ALDH18A1: variants seen among roughly 807,000 people sequenced by gnomAD.
ALDH18A1 encodes the protein aldehyde dehydrogenase 18 family member A1.
ALDH18A1 carries 44 observed loss-of-function variants against 88.8 expected under a neutral mutation model. The ratio of observed to expected loss-of-function variants is 0.50; its 90% confidence interval spans 0.39 to 0.64. ALDH18A1 has a LOEUF of 0.64. Ranked by LOEUF, ALDH18A1 falls within the 30% of genes least tolerant of loss-of-function variation. The pLI is 0.00. For synonymous variants in ALDH18A1, 331 were observed against 372.1 expected (o/e 0.89, Z 1.27); for missense variants, 782 against 1,009.5 (o/e 0.77, Z 3.05).
intron 3 of ALDH18A1, among the ~76,000 whole-genome samples, 163 bp downstream of exon 3, chr10:95,642,829 T>C (rs923851947): frequency 2.6e-5 from 4 of 152,246 alleles, no homozygotes; most frequent in Non-Finnish European, 5.9e-5. Flanking sequence ...AGATGTCGTC[T>C]CTCACTGGCG....
chr10:95,613,636 A>T lies in ALDH18A1; in HGVS notation c.1923+106T>A. 5 of 1,450,050 alleles carry T rather than the reference A, an allele frequency of 3.4e-6. No individual in the cohort carries two copies. In the South Asian group the frequency reaches 4.6e-5, roughly 13 times the overall value. 89.8% of individuals were successfully genotyped at this position (1,450,050 alleles called of 1,614,324 possible). ...TGGAACTTTGTACACAGAAGATATT[A>T]AAAAATATTGTTTCTTAAACTGCCT... On this transcript the variant is annotated intron_variant, in intron 15 of 17. Coordinates refer to ENST00000371224, the MANE Select transcript of ALDH18A1 (RefSeq NM_002860.4).
At position 95,613,848 on chromosome 10, in the gene ALDH18A1, C is replaced by T; in HGVS notation, c.1817G>A (p.Cys606Tyr). 7 of 1,614,170 alleles carry T rather than the reference C, an allele frequency of 4.3e-6. No individual in the cohort carries two copies. The highest frequency in any genetic ancestry group is 5.9e-6 in the Non-Finnish European group (7 of 1,180,024). Reference sequence around the variant, plus strand: ...AGCATTACAGGCAGCTGGATATTCACATTTAGAGTCTCTGACTGAAAGAAG... The same window carrying T: ...AGCATTACAGGCAGCTGGATATTCATATTTAGAGTCTCTGACTGAAAGAAG... ...KVTRLVRDSK[C>Y]EYPAACNALE... The change falls in exon 15 of 18, where the codon TGT (cysteine) becomes TAT (tyrosine). Residue 606 changes from cysteine to tyrosine, a missense_variant. Physicochemically the swap from Cys to Tyr is radical, Grantham distance 194 (BLOSUM62 -2). Coordinates refer to ENST00000371224, the MANE Select transcript of ALDH18A1 (RefSeq NM_002860.4).
intron 11 of ALDH18A1, among the ~76,000 whole-genome samples, chr10:95,624,504 G>A (rs978751491): frequency 5.3e-5 from 8 of 152,152 alleles, no homozygotes; most frequent in African/African-American, 1.9e-4. Context: ...TGAAAGTAAC[G>A]TTGAACCGTG....
chr10:95,616,248 T>A (rs1341011340), intron 13 of ALDH18A1, among the ~76,000 whole-genome samples: 7 of 152,182 alleles, frequency 4.6e-5, no homozygotes, highest in African/African-American at 1.7e-4. Context: ...GACATTCTTG[T>A]AAATAAATAG....
chr10:95,643,302 CA>C, intron 2 of ALDH18A1, 96 bp from the exon 3 acceptor site: 2 of 1,158,296 alleles, frequency 1.7e-6, no homozygotes, highest in Non-Finnish European at 1.3e-6. Context: ...GTTTAGATAC[CA>C]AAAAATAGCA....
At chr10:95,628,257 A>C (rs1197897417) in intron 8 of ALDH18A1, 111 bp downstream of exon 8, 9 of 1,445,282 alleles carry the variant, frequency 6.2e-6, no homozygotes, top group Admixed American at 1.7e-5. Flanking sequence ...TTAAGTGTGT[A>C]TGTGCCTACT....
intron 2 of ALDH18A1, among the ~76,000 whole-genome samples, chr10:95,651,894 G>A (rs937560935): frequency 1.3e-5 from 2 of 152,206 alleles, no homozygotes; most frequent in African/African-American, 4.8e-5. Context: ...CCACAGAAAT[G>A]AAAACTATGT....
chr10:95,653,865 A>G (rs1288765428), intron 1 of ALDH18A1, among the ~76,000 whole-genome samples: 1 of 152,228 alleles, frequency 6.6e-6, no homozygotes, highest in Non-Finnish European at 1.5e-5. Context: ...CCAGCCAGCC[A>G]TGAAAAGCAA....
intron 1 of ALDH18A1, among the ~76,000 whole-genome samples, chr10:95,655,466 A>G (rs2097916440): frequency 6.6e-6 from 1 of 152,180 alleles, no homozygotes; most frequent in African/African-American, 2.4e-5. Context: ...TCACTATTAG[A>G]TACAATCACA....
chr10:95,620,949 A>T, intron 12 of ALDH18A1, 82 bp downstream of exon 12: 3 of 1,340,618 alleles, frequency 2.2e-6, no homozygotes, highest in Non-Finnish European at 3.1e-6. Context: ...AAAAAAAAAA[A>T]GAAAAGAAAA....
intron 11 of ALDH18A1, among the ~76,000 whole-genome samples, chr10:95,622,047 G>C (rs989621439): frequency 2.6e-5 from 4 of 152,050 alleles, no homozygotes; most frequent in Admixed American, 2.6e-4. Flanking sequence ...AAGAAATCTG[G>C]AACGCATCCA....
chr10:95,626,921 C>A, intron 9 of ALDH18A1, 145 bp from the exon 10 acceptor site: 1 of 813,468 alleles, frequency 1.2e-6, no homozygotes, highest in South Asian at 1.5e-5. Context: ...TTGTTTCACA[C>A]AGGGGATCAC....
intron 12 of ALDH18A1, among the ~76,000 whole-genome samples, chr10:95,619,312 T>C (rs2097848568): frequency 6.6e-6 from 1 of 152,152 alleles, no homozygotes. Flanking sequence ...TGGAAGAACA[T>C]TCCATGCTCA....
chr10:95,631,841 G>C (rs1004761623), intron 7 of ALDH18A1, among the ~76,000 whole-genome samples: 2 of 151,886 alleles, frequency 1.3e-5, no homozygotes, highest in African/African-American at 4.8e-5. Flanking sequence ...ATGGTACAAG[G>C]GGCCTTACTT....
At chr10:95,641,273 G>A (rs914873588) in intron 3 of ALDH18A1, among the ~76,000 whole-genome samples, 5 of 152,030 alleles carry the variant, frequency 3.3e-5, no homozygotes, top group Middle Eastern at 3.2e-3. Context: ...ACTGTCATTT[G>A]GGCCCACTTA....
At chr10:95,641,499 G>GTTT (rs35183969) in intron 3 of ALDH18A1, among the ~76,000 whole-genome samples, 1 of 76,382 alleles carries the variant, frequency 1.3e-5, no homozygotes. Flanking sequence ...GGTGTTTTTT[G>GTTT]TTTTTTTTTT....
At chr10:95,653,534 A>T in intron 1 of ALDH18A1, 129 bp from the exon 2 acceptor site, 1 of 740,416 alleles carries the variant, frequency 1.4e-6, no homozygotes, top group Non-Finnish European at 2.3e-6. Flanking sequence ...TGTATTAGGG[A>T]AACTCCCACC....
chr10:95,623,190 T>G (rs551234183), intron 11 of ALDH18A1, among the ~76,000 whole-genome samples: 1 of 152,216 alleles, frequency 6.6e-6, no homozygotes, highest in Non-Finnish European at 1.5e-5. Flanking sequence ...AATTATAGTA[T>G]ATGTTAAATG....
intron 6 of ALDH18A1, among the ~76,000 whole-genome samples, 198 bp from the exon 7 acceptor site, chr10:95,633,247 A>C (rs928725278): frequency 6.6e-6 from 1 of 152,168 alleles, no homozygotes; most frequent in East Asian, 1.9e-4. Context: ...TTTTCCAAAC[A>C]TGCAGTCTTC....
Sources: gnomAD v4.1 joint callset for allele counts (sites outside exome capture counted in the v4.1 genomes callset) on GRCh38, gnomAD v4.1.1 for gene constraint, MANE v1.5 for transcripts, NCBI Gene and HGNC (gene_info 2026-07-23, HGNC 2026-07-21) for gene names.